Variants in ZBTB2 observed in about 807,000 individuals in gnomAD.
ZBTB2 encodes zinc finger and BTB domain-containing protein 2.
In ZBTB2, 2 loss-of-function variants were observed where a neutral mutation model predicts 39.5. The ratio of observed to expected loss-of-function variants is 0.05; its 90% CI spans 0.02 to 0.16. The LOEUF (loss-of-function observed/expected upper bound fraction) is 0.16. ZBTB2 is among the 10% of genes least tolerant of loss of function. The pLI, the probability that ZBTB2 is intolerant of heterozygous loss-of-function variation, is 1.00. For synonymous variants in ZBTB2, 251 were observed against 256.6 expected, an observed-to-expected ratio of 0.98 and a Z score of 0.21; for missense variants, 391 against 653.0, an observed-to-expected ratio of 0.60 and a Z score of 4.37.
chr6:151,390,987 C>T (rs1009950752), intron 1 of ZBTB2, among the ~76,000 whole-genome samples: 20 of 150,660 alleles, frequency 1.3e-4, no homozygotes, highest in East Asian at 8.1e-4. Flanking sequence ...CCACGGGGAA[C>T]CGAACGCGAA....
chr6:151,381,213 T>C (rs1302631069), intron 1 of ZBTB2, among the ~76,000 whole-genome samples: 4 of 152,184 alleles, frequency 2.6e-5, no homozygotes, highest in African/African-American at 9.6e-5. Context: ...GCAAACCTGA[T>C]GTCACCTGCT....
At chr6:151,386,901 G>A (rs1318284458) in intron 1 of ZBTB2, among the ~76,000 whole-genome samples, 1 of 152,124 alleles carries the variant, frequency 6.6e-6, no homozygotes, top group African/African-American at 2.4e-5. Flanking sequence ...GCCATTACAT[G>A]TTAAAGTACA....
chr6:151,377,506 T>C (rs1002515805), intron 1 of ZBTB2, among the ~76,000 whole-genome samples: 1 of 148,722 alleles, frequency 6.7e-6, no homozygotes, highest in Non-Finnish European at 1.5e-5. Flanking sequence ...GTAGCTGGGA[T>C]TACAGGTGCC....
At chr6:151,377,337 A>G (rs1298057600) in intron 1 of ZBTB2, among the ~76,000 whole-genome samples, 1 of 151,498 alleles carries the variant, frequency 6.6e-6, no homozygotes, top group African/African-American at 2.4e-5. Flanking sequence ...TTGCAGCCGC[A>G]TGACTCTGTA....
intron 1 of ZBTB2, among the ~76,000 whole-genome samples, chr6:151,373,870 A>AAAAAAAAAAAAAAAAAAAAACAAAAC (rs1778843577): frequency 1.6e-5 from 2 of 123,594 alleles, no homozygotes; most frequent in African/African-American, 7.1e-5. Flanking sequence ...AAAAAAAAAA[A>AAAAAAAAAAAAAAAAAAAAACAAAAC]AAAAAAACCA....
At position 151,366,150 on chromosome 6, in the gene ZBTB2, C is replaced by T. The variant is rs780868028; in HGVS notation, c.916G>A (p.Ala306Thr). 3.7e-6 allele frequency: 6 copies of T among 1,614,052 alleles called. No individual in the cohort carries two copies. The African/African-American group carries it at 5.3e-5, about 14-fold the overall frequency. ...ATCCCGGCTTCAGGCACTTCCATGG[C>T]ATCTTTCCCGAGGTCAGCTGCATTG... is the stretch of plus-strand genomic sequence containing the variant. ...CSNAADLGKDAMEVPEAGMIS... is the reference protein window; with the variant it reads ...CSNAADLGKDTMEVPEAGMIS... Residue 306 changes from alanine (A) to threonine (T), a missense_variant, in exon 3 of 3, where the codon GCC becomes ACC. By Grantham distance (58) the Ala-to-Thr change is moderately conservative. Around this residue, in one of 7 missense-constraint regions of ZBTB2, gnomAD observed 80 missense variants for 125.2 expected, o/e 0.64. Transcript: ENST00000325144. This position sits in a 1 kb window ranked among gnomAD's most constrained non-coding sequence, Gnocchi z 7.1.
intron 2 of ZBTB2, among the ~76,000 whole-genome samples, chr6:151,372,500 G>C (rs549270355): frequency 2.0e-5 from 3 of 152,032 alleles, no homozygotes; most frequent in Non-Finnish European, 2.9e-5. Context: ...GGGGCAGGGT[G>C]GGGGGTGTAT....
chr6:151,387,944 C>T (rs1307442823), intron 1 of ZBTB2, among the ~76,000 whole-genome samples: 1 of 152,122 alleles, frequency 6.6e-6, no homozygotes, highest in Non-Finnish European at 1.5e-5. Context: ...ATCTTATTTA[C>T]TATCAATTCG....
chr6:151,387,912 A>G (rs1779195344), intron 1 of ZBTB2, among the ~76,000 whole-genome samples: 1 of 152,206 alleles, frequency 6.6e-6, no homozygotes, highest in Non-Finnish European at 1.5e-5. Flanking sequence ...TAATGGCTCT[A>G]TCGGCATTGT....
intron 2 of ZBTB2, among the ~76,000 whole-genome samples, chr6:151,371,519 G>A (rs898963690): frequency 1.3e-5 from 2 of 151,642 alleles, no homozygotes; most frequent in Admixed American, 1.3e-4. Context: ...CCAGCAAAAT[G>A]CGGTCCAGGT....
intron 1 of ZBTB2, among the ~76,000 whole-genome samples, chr6:151,379,890 G>A (rs1562769199): frequency 6.6e-6 from 1 of 151,960 alleles, no homozygotes; most frequent in Non-Finnish European, 1.5e-5. Context: ...AAACTATATG[G>A]CTCCCTCTCT....
chr6:151,390,776 C>T (rs1270780885), intron 1 of ZBTB2, among the ~76,000 whole-genome samples: 3 of 151,276 alleles, frequency 2.0e-5, no homozygotes, highest in Non-Finnish European at 4.4e-5. Flanking sequence ...TCCCTCCTCC[C>T]TCCCCTCCCC....
At chr6:151,390,946 T>G (rs955934280) in intron 1 of ZBTB2, among the ~76,000 whole-genome samples, 2 of 149,998 alleles carry the variant, frequency 1.3e-5, no homozygotes, top group African/African-American at 4.9e-5. Flanking sequence ...CAGGGCGCAC[T>G]TCGCGGTGGC....
chr6:151,366,364 G>A lies in ZBTB2; in HGVS notation c.702C>T (p.Leu234=), dbSNP rs752155705. The A allele has an allele frequency of 6.2e-7, 1 of 1,614,138 alleles. No individual in the cohort carries two copies. Among genetic ancestry groups the A allele is most frequent in the Non-Finnish European group, 8.5e-7 (1 of 1,180,020 alleles). Residue 234 remains leucine (L), a synonymous_variant, in exon 3 of 3, where the codon CTC becomes CTT. Transcript: ENST00000325144. This position sits in a 1 kb window ranked among gnomAD's most constrained non-coding sequence, Gnocchi z 7.1. ...ASSSDEQPAS[L]TIAHVKPSIM... ...TGCTTGGCTTGACGTGGGCTATTGT[G>A]AGGGACGCAGGCTGCTCATCGGAGG...
At chr6:151,367,052 G>A (rs1356280012) in intron 2 of ZBTB2, among the ~76,000 whole-genome samples, 160 bp from the exon 3 acceptor site, 1 of 152,018 alleles carries the variant, frequency 6.6e-6, no homozygotes, top group Non-Finnish European at 1.5e-5. Context: ...ATCAAGAGAC[G>A]AAGTTCACGT....
intron 1 of ZBTB2, among the ~76,000 whole-genome samples, chr6:151,385,772 T>C (rs1164704312): frequency 6.6e-6 from 1 of 152,230 alleles, no homozygotes; most frequent in Non-Finnish European, 1.5e-5. Context: ...AAGCTGATTT[T>C]TCAATTACTA....
chr6:151,390,980 C>T (rs941019020), intron 1 of ZBTB2, among the ~76,000 whole-genome samples: 3 of 150,382 alleles, frequency 2.0e-5, no homozygotes, highest in Non-Finnish European at 3.0e-5. Flanking sequence ...GGACCGGCCA[C>T]GGGGAACCGA....
chr6:151,390,307 G>A (rs1757479730), intron 1 of ZBTB2, among the ~76,000 whole-genome samples: 1 of 144,172 alleles, frequency 6.9e-6, no homozygotes, highest in Non-Finnish European at 1.5e-5. Context: ...GGGGCGCGGC[G>A]CCGGGGCCCT....
intron 1 of ZBTB2, chr6:151,377,858 A>G (rs1219932233): frequency 6.6e-6 from 1 of 152,092 alleles, no homozygotes; most frequent in East Asian, 1.9e-4. Context: ...AAAGCCTACT[A>G]CACATTAATT....
Sources: allele counts gnomAD v4.1 joint callset (sites outside exome capture counted in the v4.1 genomes callset), GRCh38; gene constraint gnomAD v4.1.1; regional missense constraint gnomAD v4.1.1; non-coding constraint Gnocchi (gnomAD v3.1); transcripts MANE v1.5; gene names NCBI Gene and HGNC (gene_info 2026-07-23, HGNC 2026-07-21).